ABTB2: variants seen among roughly 807,000 people sequenced by gnomAD.
The protein encoded by ABTB2 is ankyrin repeat and BTB domain containing 2.
ABTB2 carries 56 observed loss-of-function variants against 104.1 expected under a neutral mutation model. That is an observed-to-expected ratio of 0.54 (90% CI 0.43 to 0.67). The LOEUF (loss-of-function observed/expected upper bound fraction) is 0.67, where lower values mean the gene tolerates loss of function less well. ABTB2 is among the 30% of genes least tolerant of loss of function. ABTB2 has a pLI of 0.00. For synonymous variants in ABTB2, 606 were observed against 608.2 expected (o/e 1.00, Z 0.05); for missense variants, 1,279 against 1,407.7 (o/e 0.91, Z 1.46).
chr11:34,349,357 G>A (rs1855372146), intron 1 of ABTB2, among the ~76,000 whole-genome samples: 1 of 152,116 alleles, frequency 6.6e-6, no homozygotes, highest in Admixed American at 6.5e-5. Context: ...TTGTTGTTGG[G>A]GGTAATCGAG....
intron 1 of ABTB2, among the ~76,000 whole-genome samples, chr11:34,306,982 T>TAAAAAAAAAAA (rs61161318): frequency 1.1e-5 from 1 of 94,556 alleles, no homozygotes; most frequent in African/African-American, 4.0e-5. Context: ...TCAGGAAACT[T>TAAAAAAAAAAA]AAAAAAAAAA....
At position 34,357,156 on chromosome 11, in the gene ABTB2, G is replaced by T. The variant is rs1034487357; in HGVS notation, c.428C>A (p.Ala143Glu). The change falls in exon 1 of 17, where the codon GCG (alanine) becomes GAG (glutamate). Residue 143 changes from alanine to glutamate, a missense_variant. By Grantham distance (107) the Ala-to-Glu change is moderately radical. Coordinates refer to ENST00000435224, the MANE Select transcript of ABTB2 (RefSeq NM_145804.3). The part of the protein sequence containing the change: ...RRALIRVARE[A>E]QRLSVLHAKC... ...GGCGTGCAGCACGCTCAGGCGCTGC[G>T]CCTCGCGGGCCACGCGGATCAGTGC... 2 of 1,491,192 alleles carry T rather than the reference G, an allele frequency of 1.3e-6. No individual in the cohort carries two copies. Among genetic ancestry groups the T allele is most frequent in the Non-Finnish European group, 1.8e-6 (2 of 1,129,492 alleles). The allele number at this position is 1,491,192 out of a possible 1,614,324, so 92.4% of individuals were successfully genotyped here. A position where few individuals can be genotyped will look rare whatever the true frequency, so the allele number is the denominator to read the frequency against.
intron 1 of ABTB2, among the ~76,000 whole-genome samples, chr11:34,351,981 A>G (rs1396592869): frequency 1.3e-5 from 2 of 152,190 alleles, no homozygotes. Flanking sequence ...CAGTTTTACC[A>G]ACTCTCTTGG....
chr11:34,308,641 G>A (rs999930331), intron 1 of ABTB2, among the ~76,000 whole-genome samples: 2 of 151,930 alleles, frequency 1.3e-5, no homozygotes, highest in Non-Finnish European at 2.9e-5. Flanking sequence ...AAGCCGAGGC[G>A]GGTGGATCAC....
chr11:34,171,653 T>C (rs990640915), intron 4 of ABTB2, among the ~76,000 whole-genome samples: 1 of 152,108 alleles, frequency 6.6e-6, no homozygotes, highest in Non-Finnish European at 1.5e-5. Context: ...CAAAGACTCA[T>C]GTAAAACAAT....
chr11:34,159,781 G>T, intron 13 of ABTB2, 125 bp downstream of exon 13: 1 of 756,150 alleles, frequency 1.3e-6, no homozygotes, highest in Non-Finnish European at 2.2e-6. Flanking sequence ...GCTGCAATGT[G>T]ACTGCAGTCT....
intron 1 of ABTB2, among the ~76,000 whole-genome samples, chr11:34,327,927 A>G (rs1391732257): frequency 6.6e-6 from 1 of 152,140 alleles, no homozygotes; most frequent in East Asian, 1.9e-4. Flanking sequence ...TCCCAGACCC[A>G]ACTCCTCGCT....
At chr11:34,308,884 A>AAAAG (rs1554924885) in intron 1 of ABTB2, among the ~76,000 whole-genome samples, 2 of 151,014 alleles carry the variant, frequency 1.3e-5, no homozygotes, top group African/African-American at 4.9e-5. Flanking sequence ...AAAAAAAAAA[A>AAAAG]AAAGAAAAGA....
chr11:34,251,793 A>C (rs1854060099), intron 1 of ABTB2, among the ~76,000 whole-genome samples: 1 of 152,152 alleles, frequency 6.6e-6, no homozygotes, highest in Non-Finnish European at 1.5e-5. Context: ...GAAACAACTA[A>C]AGCAGAATGT....
chr11:34,302,888 A>C (rs1288139101), intron 1 of ABTB2, among the ~76,000 whole-genome samples: 1 of 152,216 alleles, frequency 6.6e-6, no homozygotes, highest in Non-Finnish European at 1.5e-5. Context: ...CAAAGTCCCC[A>C]GTTATAAATG....
intron 2 of ABTB2, 84 bp downstream of exon 2, chr11:34,204,460 G>A (rs1057246636): frequency 6.8e-7 from 1 of 1,462,210 alleles, no homozygotes; most frequent in Non-Finnish European, 9.0e-7. Context: ...TGGAGGAGGA[G>A]GAGGCGAGCT....
chr11:34,307,257 A>G (rs1854788082), intron 1 of ABTB2, among the ~76,000 whole-genome samples: 1 of 152,202 alleles, frequency 6.6e-6, no homozygotes, highest in African/African-American at 2.4e-5. Context: ...ACAGGTTGCT[A>G]GGTCACAAAA....
At chr11:34,223,608 C>A (rs1487798415) in intron 1 of ABTB2, among the ~76,000 whole-genome samples, 1 of 152,224 alleles carries the variant, frequency 6.6e-6, no homozygotes, top group African/African-American at 2.4e-5. Context: ...GGAACTGTCA[C>A]CCCTGCTTTG....
chr11:34,317,192 C>T (rs1274052563), intron 1 of ABTB2, among the ~76,000 whole-genome samples: 2 of 152,192 alleles, frequency 1.3e-5, no homozygotes, highest in African/African-American at 4.8e-5. Context: ...AAACATGTCA[C>T]CTGTGCCATC....
chr11:34,248,760 A>G (rs538025429), intron 1 of ABTB2, among the ~76,000 whole-genome samples: 1 of 152,374 alleles, frequency 6.6e-6, no homozygotes, highest in East Asian at 1.9e-4. Flanking sequence ...GGTTGTGGGT[A>G]TTTCAACTGC....
intron 3 of ABTB2, among the ~76,000 whole-genome samples, chr11:34,193,498 G>T (rs1337508712): frequency 6.6e-6 from 1 of 152,246 alleles, no homozygotes; most frequent in East Asian, 1.9e-4. Context: ...ACAGGGAAAG[G>T]CAAAGGCCTT....
chr11:34,292,901 A>G (rs1379451159), intron 1 of ABTB2, among the ~76,000 whole-genome samples: 1 of 152,182 alleles, frequency 6.6e-6, no homozygotes, highest in East Asian at 1.9e-4. Context: ...ATCACAAATG[A>G]CTTGGTCCAC....
At chr11:34,347,851 T>G (rs2133127265) in intron 1 of ABTB2, among the ~76,000 whole-genome samples, 1 of 152,224 alleles carries the variant, frequency 6.6e-6, no homozygotes, top group South Asian at 2.1e-4. Context: ...AAACTGGAAG[T>G]CGAATATCGT....
chr11:34,165,668 G>C (rs1252841232), intron 7 of ABTB2, among the ~76,000 whole-genome samples: 1 of 152,210 alleles, frequency 6.6e-6, no homozygotes, highest in Non-Finnish European at 1.5e-5. Context: ...GAACACATGT[G>C]GATGAGCAGC....
Sources: allele counts gnomAD v4.1 joint callset (sites outside exome capture counted in the v4.1 genomes callset), GRCh38; gene constraint gnomAD v4.1.1; transcripts MANE v1.5; gene names NCBI Gene and HGNC (gene_info 2026-07-23, HGNC 2026-07-21).